Variants in NAV2 observed in about 807,000 individuals in gnomAD.
NAV2 encodes helicase, APC down-regulated 1.
In NAV2, 54 loss-of-function variants were observed where a neutral mutation model predicts 223.2. The observed-to-expected ratio is 0.24, with a 90% CI of 0.19 to 0.30. The LOEUF (loss-of-function observed/expected upper bound fraction) is 0.30, where lower values mean the gene tolerates loss of function less well. Ranked by LOEUF, NAV2 falls within the 10% of genes least tolerant of loss-of-function variation. The pLI, the probability that NAV2 is intolerant of heterozygous loss-of-function variation, is 1.00. For missense variants in NAV2, 2,806 were observed against 3,147.5 expected (o/e 0.89, Z 2.60); for synonymous variants, 1,279 against 1,239.3 (o/e 1.03, Z -0.67).
chr11:19,350,277 A>T (rs1853237766), upstream of NAV2, among the ~76,000 whole-genome samples: 1 of 152,158 alleles, frequency 6.6e-6, no homozygotes, highest in East Asian at 1.9e-4. Flanking sequence ...TGCTTGGTTC[A>T]GGCCTCACTA....
intron 20 of NAV2, among the ~76,000 whole-genome samples, chr11:20,066,807 T>C (rs1056425188): frequency 6.6e-5 from 10 of 152,148 alleles, no homozygotes; most frequent in African/African-American, 2.4e-4. Flanking sequence ...AAGGACAAAA[T>C]AGAGTTCTTA....
chr11:19,832,190 G>A (rs745407773), intron 1 of NAV2, among the ~76,000 whole-genome samples: 12 of 152,206 alleles, frequency 7.9e-5, no homozygotes, highest in African/African-American at 1.9e-4. Flanking sequence ...TCTCAAAGCC[G>A]TCTGGAGCAG....
intron 1 of NAV2, among the ~76,000 whole-genome samples, chr11:19,628,361 C>T (rs2047234458): frequency 6.6e-6 from 1 of 152,242 alleles, no homozygotes; most frequent in Non-Finnish European, 1.5e-5. Context: ...AAGCGTAGTG[C>T]AGGGCCCTGT....
intron 36 of NAV2, among the ~76,000 whole-genome samples, chr11:20,110,971 G>A (rs554225895): frequency 4.6e-5 from 7 of 152,128 alleles, no homozygotes; most frequent in South Asian, 2.1e-4. Flanking sequence ...TGGTGGGAAC[G>A]TAAGGAGACC....
At chr11:19,817,240 A>G (rs1210591061) in intron 1 of NAV2, among the ~76,000 whole-genome samples, 2 of 152,170 alleles carry the variant, frequency 1.3e-5, no homozygotes, top group African/African-American at 4.8e-5. Flanking sequence ...CAAAACAAAA[A>G]TCCTTTACCA....
intron 1 of NAV2, among the ~76,000 whole-genome samples, chr11:19,364,525 T>C (rs1166675563): frequency 6.6e-6 from 1 of 152,236 alleles, no homozygotes; most frequent in African/African-American, 2.4e-5. Flanking sequence ...CTTCCAATTT[T>C]GATCCTAGTC....
intron 1 of NAV2, among the ~76,000 whole-genome samples, chr11:19,484,949 A>C (rs1341520317): frequency 6.6e-6 from 1 of 152,218 alleles, no homozygotes. Context: ...GATGTAGAAC[A>C]ATCCTCTATC....
At chr11:19,609,074 T>C (rs1379254309) in intron 1 of NAV2, among the ~76,000 whole-genome samples, 1 of 152,244 alleles carries the variant, frequency 6.6e-6, no homozygotes. Context: ...TTTAAGATCC[T>C]TAATTTAATC....
intron 1 of NAV2, among the ~76,000 whole-genome samples, chr11:19,654,527 C>G (rs377005991): frequency 6.6e-6 from 1 of 152,136 alleles, no homozygotes; most frequent in African/African-American, 2.4e-5. Context: ...CAGCATGGTA[C>G]TGGTACCAAA....
At chr11:19,542,490 C>T (rs1281917305) in intron 1 of NAV2, among the ~76,000 whole-genome samples, 2 of 152,178 alleles carry the variant, frequency 1.3e-5, no homozygotes, top group Non-Finnish European at 2.9e-5. Flanking sequence ...CTCCGCTGCC[C>T]AGAGTAAGAA....
intron 6 of NAV2, among the ~76,000 whole-genome samples, chr11:19,906,825 C>T (rs913895856): frequency 1.3e-5 from 2 of 152,180 alleles, no homozygotes; most frequent in Non-Finnish European, 2.9e-5. Flanking sequence ...AGGTCTTACT[C>T]CACTTGAGTC....
At chr11:19,820,719 T>C (rs939168295) in intron 1 of NAV2, among the ~76,000 whole-genome samples, 2 of 152,220 alleles carry the variant, frequency 1.3e-5, no homozygotes, top group Non-Finnish European at 2.9e-5. Context: ...AAAATGGGGC[T>C]GATCATCCAT....
intron 1 of NAV2, among the ~76,000 whole-genome samples, chr11:19,813,293 T>C (rs956690101): frequency 4.6e-5 from 7 of 152,204 alleles, no homozygotes; most frequent in East Asian, 1.9e-4. Context: ...TGTAAGGTTT[T>C]GCTCTTGTGT....
intron 6 of NAV2, among the ~76,000 whole-genome samples, chr11:19,914,671 A>G (rs1033440934): frequency 1.3e-5 from 2 of 151,478 alleles, no homozygotes; most frequent in African/African-American, 4.9e-5. Flanking sequence ...CAGCCTCCCG[A>G]GTAGCTGGGA....
intron 1 of NAV2, among the ~76,000 whole-genome samples, chr11:19,641,652 C>T (rs921623456): frequency 2.0e-5 from 3 of 151,792 alleles, no homozygotes; most frequent in Non-Finnish European, 2.9e-5. Context: ...CACCTTCCGG[C>T]GTTTGCACTG....
intron 1 of NAV2, among the ~76,000 whole-genome samples, chr11:19,442,187 C>T (rs892051171): frequency 3.3e-5 from 5 of 152,250 alleles, no homozygotes; most frequent in Admixed American, 3.3e-4. Flanking sequence ...ACTGTGTGCA[C>T]TCACACCTGC....
At chr11:19,777,098 C>CA (rs1380630241) in intron 1 of NAV2, among the ~76,000 whole-genome samples, 1 of 150,812 alleles carries the variant, frequency 6.6e-6, no homozygotes, top group African/African-American at 2.4e-5. Context: ...CGCCGACCCC[C>CA]CCCCCCACCC....
At chr11:19,759,090 CTTTTTTTTT>C (rs55675583) in intron 1 of NAV2, among the ~76,000 whole-genome samples, 1 of 63,846 alleles carries the variant, frequency 1.6e-5, no homozygotes, top group South Asian at 7.4e-4. Flanking sequence ...CTGAAAGACA[CTTTTTTTTT>C]TTTTTTTTTT....
At chr11:19,472,297 C>G (rs547328748) in intron 1 of NAV2, among the ~76,000 whole-genome samples, 25 of 152,280 alleles carry the variant, frequency 1.6e-4, no homozygotes, top group African/African-American at 5.8e-4. Context: ...GCTTCAACTT[C>G]TACCTGCTCT....
Sources: gnomAD v4.1 joint callset for allele counts (sites outside exome capture counted in the v4.1 genomes callset) on GRCh38, gnomAD v4.1.1 for gene constraint, MANE v1.5 for transcripts, NCBI Gene and HGNC (gene_info 2026-07-23, HGNC 2026-07-21) for gene names.